The following ENPP6 variants were observed in gnomAD, a reference collection of about 807,000 sequenced individuals.
ENPP6 encodes the protein ectonucleotide pyrophosphatase/phosphodiesterase 6, also known as glycerophosphocholine cholinephosphodiesterase ENPP6.
Under a neutral mutation model 42.0 loss-of-function variants are expected in ENPP6, and 32 were observed. The ratio of observed to expected loss-of-function variants is 0.76; its 90% CI spans 0.58 to 1.02. ENPP6 has a LOEUF of 1.02. ENPP6 is among the 50% of genes least tolerant of loss of function. The probability of loss-of-function intolerance (pLI) is 0.00; values close to 1 mark genes in which losing one functional copy is unlikely to be tolerated. For synonymous variants in ENPP6, 213 were observed against 216.0 expected (o/e 0.99, Z 0.12); for missense variants, 552 against 566.8 (o/e 0.97, Z 0.27).
At chr4:184,190,485 T>C (rs771053742) in intron 1 of ENPP6, among the ~76,000 whole-genome samples, 1 of 152,200 alleles carries the variant, frequency 6.6e-6, no homozygotes, top group Non-Finnish European at 1.5e-5. Flanking sequence ...ACTAAACATA[T>C]CACCCTTGAT....
At chr4:184,126,876 G>A (rs760462775) in intron 2 of ENPP6, among the ~76,000 whole-genome samples, 1 of 152,120 alleles carries the variant, frequency 6.6e-6, no homozygotes, top group Non-Finnish European at 1.5e-5. Context: ...GAAGAAATAT[G>A]GTCTTTCTGG....
chr4:184,133,857 A>C (rs1736684069), intron 2 of ENPP6, among the ~76,000 whole-genome samples: 1 of 147,204 alleles, frequency 6.8e-6, no homozygotes, highest in Non-Finnish European at 1.5e-5. Flanking sequence ...TTACTGTTGT[A>C]AATGATATTG....
chr4:184,162,584 G>GAAGT lies in ENPP6; in HGVS notation c.242-8852_242-8851insACTT, dbSNP rs1477735148. Among the ~76,000 whole-genome samples, 763 of 151,822 alleles carry GAAGT rather than the reference G, an allele frequency of 5.0e-3. 11 individuals carry two copies. The highest frequency in any genetic ancestry group is 0.013 in the African/African-American group (534 of 41,326). ...AGAAGGAAGGAAGGAAGAAAGGAAG[G>GAAGT]AAGAGAGGGAGGGAGGGAATGAATG... On this transcript the variant is annotated intron_variant, in intron 1 of 7. Transcript: ENST00000296741.
At chr4:184,163,083 T>A (rs1199194194) in intron 1 of ENPP6, among the ~76,000 whole-genome samples, 1 of 152,148 alleles carries the variant, frequency 6.6e-6, no homozygotes, top group East Asian at 1.9e-4. Flanking sequence ...GGCTCTCCAG[T>A]GCAAGGGCCA....
intron 2 of ENPP6, among the ~76,000 whole-genome samples, chr4:184,139,692 A>C (rs1395226552): frequency 2.4e-5 from 2 of 83,048 alleles, no homozygotes; most frequent in Middle Eastern, 4.7e-3. Flanking sequence ...TGAACTCATC[A>C]TTTTTTATGG....
chr4:184,107,173 T>A (rs1736111059), intron 6 of ENPP6, among the ~76,000 whole-genome samples: 3 of 152,002 alleles, frequency 2.0e-5, no homozygotes, highest in Middle Eastern at 3.4e-3. Context: ...GTGATCTTCA[T>A]CCCCTGTGGG....
chr4:184,126,619 A>G (rs971032891), intron 2 of ENPP6, among the ~76,000 whole-genome samples: 1 of 152,220 alleles, frequency 6.6e-6, no homozygotes, highest in Non-Finnish European at 1.5e-5. Flanking sequence ...GGATCTTCCA[A>G]CTTGCAGAAA....
chr4:184,184,472 A>G lies in ENPP6; in HGVS notation c.242-30739T>C, dbSNP rs891105845. Among the ~76,000 whole-genome samples the G allele has an allele frequency of 3.3e-5, 5 of 152,372 alleles. No homozygotes were observed. Among genetic ancestry groups the G allele is most frequent in the African/African-American group, 1.2e-4 (5 of 41,592 alleles). On this transcript the variant is annotated intron_variant, in intron 1 of 7. Transcript: ENST00000296741. This position sits in a 1 kb window ranked among gnomAD's most constrained non-coding sequence, Gnocchi z 4.7. ...TGAACTGGAAGATGTAATTGAAAAA[A>G]TAATGCAGAATTCAGTATATGTGGG...
intron 1 of ENPP6, among the ~76,000 whole-genome samples, chr4:184,163,623 G>T (rs1301933041): frequency 1.3e-5 from 2 of 152,190 alleles, no homozygotes; most frequent in South Asian, 2.1e-4. Flanking sequence ...TTATATCGCT[G>T]AACAATCAGG....
chr4:184,109,819 G>C (rs554368323), intron 6 of ENPP6, among the ~76,000 whole-genome samples: 1 of 151,948 alleles, frequency 6.6e-6, no homozygotes, highest in East Asian at 1.9e-4. Flanking sequence ...GCTAACTGAT[G>C]GTCTCACTTC....
chr4:184,125,623 G>A, intron 2 of ENPP6, among the ~76,000 whole-genome samples: 1 of 152,038 alleles, frequency 6.6e-6, no homozygotes, highest in East Asian at 1.9e-4. Flanking sequence ...CCCTTCATCT[G>A]GCATACTATA....
intron 1 of ENPP6, among the ~76,000 whole-genome samples, chr4:184,163,572 C>T (rs569572823): frequency 2.2e-4 from 33 of 152,274 alleles, no homozygotes; most frequent in African/African-American, 7.9e-4. Flanking sequence ...ATTGTATTCA[C>T]GTGTCCAAAC....
Position 184,116,955 on chromosome 4 carries a change from C to A in ENPP6, c.756G>T (p.Val252=). Residue 252 remains valine, a synonymous_variant, in exon 5 of 8, where the codon GTG becomes GTT. Coordinates refer to ENST00000296741, the MANE Select transcript of ENPP6 (RefSeq NM_153343.4). ...GMTDIFWMDK[V]IELNKYISLN... is the part of the protein sequence containing the mutation. ...GGCTGATGTACTTATTCAGCTCAAT[C>A]ACTTTGTCCATCCAGAAAATGTCGG... 2 of 1,614,200 alleles carry A rather than the reference C, an allele frequency of 1.2e-6. No individual in the cohort carries two copies. The highest frequency in any genetic ancestry group is 2.2e-5 in the South Asian group (2 of 91,072).
At chr4:184,142,950 A>C (rs1736847276) in intron 2 of ENPP6, among the ~76,000 whole-genome samples, 1 of 152,196 alleles carries the variant, frequency 6.6e-6, no homozygotes, top group African/African-American at 2.4e-5. Context: ...CAGCCCCTAC[A>C]GGCCACTTGA....
Position 184,184,579 on chromosome 4 carries a change from GGAA to G in ENPP6, c.242-30849_242-30847del, listed in dbSNP as rs1265717321. 6.6e-6 allele frequency among the ~76,000 whole-genome samples: 1 copy of G among 152,190 alleles called. No homozygotes were observed. The highest frequency in any genetic ancestry group is 1.5e-5 in the Non-Finnish European group (1 of 68,024). On this transcript the variant is annotated intron_variant, in intron 1 of 7. Transcript: ENST00000296741. This position sits in a 1 kb window ranked among gnomAD's most constrained non-coding sequence, Gnocchi z 4.7. ...AGAACCTGCGGAAGTGACCTCATTT[GGAA>G]GAAGGGTCTTAGCAGATGTCACTAA...
intron 1 of ENPP6, among the ~76,000 whole-genome samples, chr4:184,160,197 T>C (rs1321182840): frequency 6.6e-6 from 1 of 152,246 alleles, no homozygotes; most frequent in African/African-American, 2.4e-5. Context: ...CAAATGGTAG[T>C]TGTACTTTTA....
At chr4:184,171,889 G>A (rs1181948276) in intron 1 of ENPP6, among the ~76,000 whole-genome samples, 2 of 152,122 alleles carry the variant, frequency 1.3e-5, no homozygotes, top group Non-Finnish European at 1.5e-5. Flanking sequence ...TCTTGCTCGC[G>A]GGCGGGAGAA....
chr4:184,106,237 G>C (rs572642693), intron 6 of ENPP6, among the ~76,000 whole-genome samples: 1 of 151,802 alleles, frequency 6.6e-6, no homozygotes, highest in Non-Finnish European at 1.5e-5. Context: ...GTTTCATCAC[G>C]TTGGCCAGGC....
At chr4:184,193,861 A>G (rs756147875) in intron 1 of ENPP6, among the ~76,000 whole-genome samples, 7 of 152,190 alleles carry the variant, frequency 4.6e-5, no homozygotes, top group African/African-American at 1.7e-4. Flanking sequence ...GCTGAGGTAC[A>G]AATCCCCTAA....
Sources: allele counts gnomAD v4.1 joint callset (sites outside exome capture counted in the v4.1 genomes callset), GRCh38; gene constraint gnomAD v4.1.1; non-coding constraint Gnocchi (gnomAD v3.1); transcripts MANE v1.5; gene names NCBI Gene and HGNC (gene_info 2026-07-23, HGNC 2026-07-21).